Variants in HOOK2 observed in about 807,000 individuals in gnomAD.
HOOK2 encodes the protein hook microtubule tethering protein 2.
In HOOK2, 108 loss-of-function variants were observed where a neutral mutation model predicts 111.9. The ratio of observed to expected loss-of-function variants is 0.96; its 90% CI spans 0.83 to 1.13. The LOEUF is 1.13. HOOK2 is among the 50% of genes most tolerant of loss of function. The pLI is 0.00. For missense variants in HOOK2, 978 were observed against 951.3 expected, an observed-to-expected ratio of 1.03 and a Z score of -0.37; for synonymous variants, 405 against 394.3, an observed-to-expected ratio of 1.03 and a Z score of -0.32.
At chr19:12,772,326 T>C (rs1968361536) in intron 6 of HOOK2, 74 bp from the exon 7 acceptor site, 1 of 1,486,140 alleles carries the variant, frequency 6.7e-7, no homozygotes, top group Admixed American at 1.7e-5. Flanking sequence ...CTATCCAACC[T>C]GAGAACCTCT....
At chr19:12,768,153 A>C in intron 11 of HOOK2, 30 bp from the exon 12 acceptor site, 1 of 1,588,928 alleles carries the variant, frequency 6.3e-7, no homozygotes, top group East Asian at 2.2e-5. Context: ...GAATAAGGAC[A>C]GCAGGGCTGG....
At position 12,767,816 on chromosome 19, in the gene HOOK2, C is replaced by T. The variant is rs759600622; in HGVS notation, c.1303G>A (p.Asp435Asn). Reference sequence around the variant, plus strand: ...ACCCCGGGATGGGGCTTCATCTCACCGGCCTGGGTCAACCCCCGCGGCTGC... The same window carrying T: ...ACCCCGGGATGGGGCTTCATCTCACTGGCCTGGGTCAACCCCCGCGGCTGC... Reference protein sequence around the residue: ...QLQPRGLTQADPSLDPTSTPV... With the variant: ...QLQPRGLTQANPSLDPTSTPV... The change falls in exon 13 of 23, where the codon GAT becomes AAT. Residue 435 changes from aspartate (D) to asparagine (N), a missense_variant and splice_region_variant. Physicochemically the swap from Asp to Asn is conservative, Grantham distance 23 (BLOSUM62 1). This residue lies in a region of HOOK2 where 388 missense variants were observed against 358.3 expected (regional missense o/e 1.08). Transcript: ENST00000397668. 4.4e-6 allele frequency: 7 copies of T among 1,601,202 alleles called. No individual in the cohort carries two copies. The highest frequency in any genetic ancestry group is 2.2e-5 in the East Asian group (1 of 44,868).
At chr19:12,782,886 C>CA (rs71297550), upstream of HOOK2, among the ~76,000 whole-genome samples, 38 of 7,618 alleles carry the variant, frequency 5.0e-3, no homozygotes, top group African/African-American at 0.018. Flanking sequence ...GGAGCTGAGA[C>CA]CCCCCCCCCA....
chr19:12,771,459 G>A lies in HOOK2; in HGVS notation c.538C>T (p.Leu180=). Residue 180 remains leucine (L), a synonymous_variant, in exon 8 of 23, where the codon CTA becomes TTA. Coordinates refer to ENST00000397668, the MANE Select transcript of HOOK2 (RefSeq NM_013312.3). ...TCCCCCTCCTCAGCCTCCTCACTTAGGAAATAGTACCTGCGGGACTGCAGA... is the reference window on the plus strand; with the variant it reads ...TCCCCCTCCTCAGCCTCCTCACTTAAGAAATAGTACCTGCGGGACTGCAGA... ...FDSQSRRYYF[L]SEEAEEGDEL... The A allele has an allele frequency of 6.2e-7, 1 of 1,613,046 alleles. No homozygotes were observed. The highest frequency in any genetic ancestry group is 1.7e-4 in the Middle Eastern group (1 of 6,060).
In HOOK2 at chr19:12,791,759, C is replaced by T; in HGVS notation, n.42-17534G>A. On this transcript the variant is annotated intron_variant and non_coding_transcript_variant, in intron 3 of 3. Transcript: ENST00000589765. The surrounding 1 kb of genome is among the most constrained non-coding windows in gnomAD (Gnocchi z 7.0). Reference sequence around the variant, plus strand: ...CCCGCAGGGACCCTCCCCAGACCGCCTGGGCCGCCCGGATGTGCACTAAAA... The same window carrying T: ...CCCGCAGGGACCCTCCCCAGACCGCTTGGGCCGCCCGGATGTGCACTAAAA... The T allele has an allele frequency of 6.3e-7, 1 of 1,589,954 alleles. No homozygotes were observed. The highest frequency in any genetic ancestry group is 1.1e-5 in the South Asian group (1 of 89,170).
intron 7 of HOOK2, chr19:12,771,881 C>CAAAAAA (rs60718260): frequency 5.2e-4 from 60 of 114,908 alleles, no homozygotes; most frequent in South Asian, 1.2e-3. Flanking sequence ...GACTCCATCT[C>CAAAAAA]AAAAAAAAAA....
chr19:12,773,345 G>A, intron 3 of HOOK2: 1 of 350,100 alleles, frequency 2.9e-6, no homozygotes, highest in South Asian at 3.2e-5. Flanking sequence ...GACCTCCTGG[G>A]GTCAAGCAAT....
intron 6 of HOOK2, 82 bp from the exon 7 acceptor site, chr19:12,772,334 T>G: frequency 6.9e-7 from 1 of 1,450,732 alleles, no homozygotes. Flanking sequence ...CCTGAGAACC[T>G]CTCCATCCTC....
At chr19:12,781,203 T>C (rs954701826), upstream of HOOK2, among the ~76,000 whole-genome samples, 16 of 141,310 alleles carry the variant, frequency 1.1e-4, no homozygotes, top group African/African-American at 3.7e-4. Context: ...CTCGGGAGGC[T>C]GAGGCAGGAG....
chr19:12,768,792 T>C (rs1333007179), intron 11 of HOOK2, among the ~76,000 whole-genome samples: 4 of 151,688 alleles, frequency 2.6e-5, no homozygotes, highest in Admixed American at 2.6e-4. Context: ...TTTTTCTTTT[T>C]TTAATATCTT....
rs760697519 is a variant in HOOK2, at chr19:12,771,251, G to C, written c.669C>G (p.Gly223=). ...QENAGLRERM[G]RPEGEGTPGL... is the part of the protein sequence containing the mutation. The stretch of plus-strand genomic sequence containing the variant: ...CTGGGGTACCCTCGCCTTCAGGCCG[G>C]CCCATCCGCTCCCGCAGCCCTGCAT... The change falls in exon 9 of 23, where the codon GGC becomes GGG. Residue 223 remains glycine, a synonymous_variant. Coordinates refer to ENST00000397668, the MANE Select transcript of HOOK2 (RefSeq NM_013312.3). The C allele has an allele frequency of 6.2e-7, 1 of 1,608,138 alleles. No individual in the cohort carries two copies. Among genetic ancestry groups the C allele is most frequent in the Admixed American group, 1.7e-5 (1 of 58,928 alleles).
chr19:12,763,146 C>CAA lies in HOOK2; in HGVS notation c.*134_*135dup. 1.3e-6 allele frequency: 1 copy of CAA among 799,740 alleles called. No homozygotes were observed. Among genetic ancestry groups the CAA allele is most frequent in the Non-Finnish European group, 2.0e-6 (1 of 507,580 alleles). 49.5% of individuals were successfully genotyped at this position (799,740 alleles called of 1,614,324 possible). A position where few individuals can be genotyped will look rare whatever the true frequency, so the allele number is the denominator to read the frequency against. ...TCTACCTCCCGCCCTCCCTCCCCAC[C>CAA]AATCTGGGAGAGGGAAGAGCAGAGA... On this transcript the variant is annotated 3_prime_UTR_variant, in exon 23 of 23. Coordinates refer to ENST00000397668, the MANE Select transcript of HOOK2 (RefSeq NM_013312.3).
chr19:12,774,736 G>C lies in HOOK2; in HGVS notation c.137C>G (p.Pro46Arg), dbSNP rs1473623767. Residue 46 changes from proline (P) to arginine (R), a missense_variant, in exon 3 of 23, where the codon CCC (proline) becomes CGC (arginine). Coordinates refer to ENST00000397668, the MANE Select transcript of HOOK2 (RefSeq NM_013312.3). ...GAGCCATGCCTCGTTGAACCAGGAGGGGTCTCTGGGGGCGAGAAGGTGGGA... is the reference window on the plus strand; with the variant it reads ...GAGCCATGCCTCGTTGAACCAGGAGCGGTCTCTGGGGGCGAGAAGGTGGGA... Reference protein sequence around the residue: ...AVAYVLNQIDPSWFNEAWLQG... With the variant: ...AVAYVLNQIDRSWFNEAWLQG... 1.2e-6 allele frequency: 2 copies of C among 1,613,888 alleles called. No homozygotes were observed. Among genetic ancestry groups the C allele is most frequent in the Admixed American group, 3.3e-5 (2 of 59,994 alleles).
rs773752828 is a variant in HOOK2, at chr19:12,775,421, C to A, written c.29G>T (p.Gly10Val). 5.6e-6 allele frequency: 9 copies of A among 1,612,864 alleles called. No individual in the cohort carries two copies. In the African/African-American group the frequency reaches 6.7e-5, roughly 12 times the overall value. ...ACGACCTACCCAGGTGAGCAGAGACCCGCATAGCTCAGCTTTGTCCACGCT... is the reference window on the plus strand; with the variant it reads ...ACGACCTACCCAGGTGAGCAGAGACACGCATAGCTCAGCTTTGTCCACGCT... MSVDKAELCGSLLTWLQTFH... is the reference protein window; with the variant it reads MSVDKAELCVSLLTWLQTFH... The change falls in exon 1 of 23, where the codon GGG (glycine) becomes GTG (valine). Residue 10 changes from glycine (G) to valine (V), a missense_variant. Coordinates refer to ENST00000397668, the MANE Select transcript of HOOK2 (RefSeq NM_013312.3).
At position 12,791,986 on chromosome 19, in the gene HOOK2, A is replaced by G. The variant is rs1244520205; in HGVS notation, n.42-17761T>C. The G allele has an allele frequency of 6.2e-7, 1 of 1,611,564 alleles. No homozygotes were observed. The highest frequency in any genetic ancestry group is 1.1e-5 in the South Asian group (1 of 90,956). ...GGTGGCGGCAGCTACTTTTCTGGTC[A>G]GGGCTCGGACACCGGCGCGTCTCTC... On this transcript the variant is annotated intron_variant and non_coding_transcript_variant, in intron 3 of 3. Coordinates refer to the HOOK2 transcript ENST00000589765. The surrounding 1 kb of genome is among the most constrained non-coding windows in gnomAD (Gnocchi z 7.0).
intron 3 of HOOK2, among the ~76,000 whole-genome samples, chr19:12,788,606 T>C (rs964884002): frequency 6.6e-6 from 1 of 151,878 alleles, no homozygotes; most frequent in Non-Finnish European, 1.5e-5. Flanking sequence ...TAGGACTCCC[T>C]CTGGCATGGC....
At position 12,791,772 on chromosome 19, in the gene HOOK2, A is replaced by C; in HGVS notation, n.42-17547T>G. The C allele has an allele frequency of 1.2e-6, 2 of 1,600,922 alleles. No individual in the cohort carries two copies. The highest frequency in any genetic ancestry group is 2.2e-5 in the East Asian group (1 of 44,550). On this transcript the variant is annotated intron_variant and non_coding_transcript_variant, in intron 3 of 3. Coordinates refer to the HOOK2 transcript ENST00000589765. The surrounding 1 kb of genome is among the most constrained non-coding windows in gnomAD (Gnocchi z 7.0). ...TCCCCAGACCGCCTGGGCCGCCCGG[A>C]TGTGCACTAAAATGGAACAGCCCTT...
chr19:12,778,089 T>C (rs1238296525), upstream of HOOK2, among the ~76,000 whole-genome samples: 1 of 151,504 alleles, frequency 6.6e-6, no homozygotes, highest in African/African-American at 2.4e-5. Flanking sequence ...CCCTCCCCGG[T>C]AGACGGGCGG....
At chr19:12,765,802 G>C (rs1968127813) in intron 17 of HOOK2, 27 bp downstream of exon 17, 1 of 1,613,750 alleles carries the variant, frequency 6.2e-7, no homozygotes. Flanking sequence ...AGGGTAGGGG[G>C]TGCCATCCTG....
Sources: gnomAD v4.1 joint callset for allele counts (sites outside exome capture counted in the v4.1 genomes callset) on GRCh38, gnomAD v4.1.1 for gene constraint, gnomAD v4.1.1 regional missense constraint, Gnocchi (gnomAD v3.1) non-coding constraint, MANE v1.5 for transcripts, NCBI Gene and HGNC (gene_info 2026-07-23, HGNC 2026-07-21) for gene names.